PLD5: variants seen among roughly 807,000 people sequenced by gnomAD.
The protein encoded by PLD5 is inactive phospholipase D5.
A neutral mutation model predicts 61.1 loss-of-function variants in PLD5; 36 were observed. That is an observed-to-expected ratio of 0.59 (90% CI 0.45 to 0.78). The LOEUF (loss-of-function observed/expected upper bound fraction) is 0.78. PLD5 is among the 30% of genes least tolerant of loss of function. The pLI, the probability that PLD5 is intolerant of heterozygous loss-of-function variation, is 0.00. For synonymous variants in PLD5, 243 were observed against 242.8 expected, an observed-to-expected ratio of 1.00 and a Z score of -0.01; for missense variants, 515 against 644.4, an observed-to-expected ratio of 0.80 and a Z score of 2.17.
chr1:242,264,071 A>G (rs1346519755), intron 4 of PLD5, among the ~76,000 whole-genome samples: 1 of 152,162 alleles, frequency 6.6e-6, no homozygotes, highest in Non-Finnish European at 1.5e-5. Flanking sequence ...AATCATCTGC[A>G]AATACAGGAC....
chr1:242,194,815 G>A (rs1011449258), intron 5 of PLD5, among the ~76,000 whole-genome samples: 1 of 152,094 alleles, frequency 6.6e-6, no homozygotes, highest in East Asian at 1.9e-4. Flanking sequence ...CTCATAAGTG[G>A]GAGCCAAACT....
chr1:242,089,808 G>A lies in PLD5; in HGVS notation c.*46C>T, dbSNP rs1476264287. On this transcript the variant is annotated 3_prime_UTR_variant, in exon 10 of 10. Transcript: ENST00000536534. ...TTTTTTCTCTCCTCAAGTCCTTTAT[G>A]TATAAATATGAAATACAGAGCTGTC... is the stretch of plus-strand genomic sequence containing the variant. 1 of 1,606,952 alleles carries A rather than the reference G, an allele frequency of 6.2e-7. No individual in the cohort carries two copies. Among genetic ancestry groups the A allele is most frequent in the Non-Finnish European group, 8.5e-7 (1 of 1,174,382 alleles).
At chr1:242,241,910 T>TACAC (rs1553334448) in intron 4 of PLD5, among the ~76,000 whole-genome samples, 23 of 50,394 alleles carry the variant, frequency 4.6e-4, no homozygotes, top group South Asian at 7.5e-4. Flanking sequence ...TATATATATA[T>TACAC]ACTTACTGTA....
At chr1:242,176,358 G>A (rs919014193) in intron 5 of PLD5, among the ~76,000 whole-genome samples, 10 of 152,260 alleles carry the variant, frequency 6.6e-5, no homozygotes, top group Non-Finnish European at 1.3e-4. Flanking sequence ...TTTAATAAAT[G>A]GTGTTGGGGA....
At chr1:242,514,054 C>T (rs747769052) in intron 1 of PLD5, among the ~76,000 whole-genome samples, 40 of 152,186 alleles carry the variant, frequency 2.6e-4, no homozygotes, top group Non-Finnish European at 5.3e-4. Context: ...TCTCATTCCT[C>T]AACACTGCAT....
intron 6 of PLD5, among the ~76,000 whole-genome samples, chr1:242,117,105 C>T (rs1184421775): frequency 6.6e-6 from 1 of 152,142 alleles, no homozygotes; most frequent in Non-Finnish European, 1.5e-5. Context: ...ACATCACTCC[C>T]AGGATGAACT....
intron 1 of PLD5, among the ~76,000 whole-genome samples, chr1:242,462,014 A>G (rs1047097831): frequency 6.6e-6 from 1 of 152,228 alleles, no homozygotes; most frequent in Non-Finnish European, 1.5e-5. Context: ...CTCCTATCAT[A>G]CAGAGCTGTA....
chr1:242,456,125 C>T lies in PLD5; in HGVS notation c.189+67963G>A, dbSNP rs566313425. On this transcript the variant is annotated intron_variant, in intron 1 of 9. Coordinates refer to ENST00000536534, the MANE Select transcript of PLD5 (RefSeq NM_001372062.1). Reference sequence around the variant, plus strand: ...TTAGGTACATGGAATTTTCTCCTGACCCCAACCAAGGTTGGAGTGGATCTG... The same window carrying T: ...TTAGGTACATGGAATTTTCTCCTGATCCCAACCAAGGTTGGAGTGGATCTG... Among the ~76,000 whole-genome samples, 4 of 152,312 alleles carry T rather than the reference C, an allele frequency of 2.6e-5. No homozygotes were observed. The South Asian group carries it at 8.3e-4, about 32-fold the overall frequency.
chr1:242,425,407 A>G (rs1490401199), intron 1 of PLD5, among the ~76,000 whole-genome samples: 4 of 152,192 alleles, frequency 2.6e-5, no homozygotes, highest in African/African-American at 9.7e-5. Context: ...TTAAAAATAC[A>G]GCATAAACAA....
At chr1:242,328,674 TG>T (rs1490966334) in intron 2 of PLD5, among the ~76,000 whole-genome samples, 1 of 152,226 alleles carries the variant, frequency 6.6e-6, no homozygotes, top group East Asian at 1.9e-4. Context: ...AAGAGATGCT[TG>T]GAAGTATTCT....
rs192227225 is a variant in PLD5, at chr1:242,137,506, G to A, written c.736-12841C>T. Among the ~76,000 whole-genome samples the A allele has an allele frequency of 3.2e-4, 48 of 152,238 alleles. No homozygotes were observed. The East Asian group carries it at 8.3e-3, about 26-fold the overall frequency. On this transcript the variant is annotated intron_variant, in intron 5 of 9. Transcript: ENST00000536534. ...TAAAAAACAGCCACAATAATAACACGTTTTAGGGATATCCTATTTGGAACC... is the reference window on the plus strand; with the variant it reads ...TAAAAAACAGCCACAATAATAACACATTTTAGGGATATCCTATTTGGAACC...
intron 3 of PLD5, among the ~76,000 whole-genome samples, chr1:242,272,119 G>C (rs1201103654): frequency 1.3e-5 from 2 of 152,290 alleles, no homozygotes; most frequent in African/African-American, 4.8e-5. Flanking sequence ...AACAATCTCA[G>C]TAAAAGTTAT....
Position 242,419,664 on chromosome 1 carries a change from C to T in PLD5, c.190-71422G>A, listed in dbSNP as rs150976252. Among the ~76,000 whole-genome samples the T allele has an allele frequency of 2.2e-4, 33 of 149,232 alleles. No homozygotes were observed. The East Asian group carries it at 5.9e-3, about 27-fold the overall frequency. On this transcript the variant is annotated intron_variant, in intron 1 of 9. Coordinates refer to ENST00000536534, the MANE Select transcript of PLD5 (RefSeq NM_001372062.1). ...TCCTGATCTCATGATCTGCCCGCCT[C>T]GGCCTCCCGAAGTGCTGGGATTACA...
chr1:242,464,031 G>A (rs1667201753), intron 1 of PLD5, among the ~76,000 whole-genome samples: 1 of 152,076 alleles, frequency 6.6e-6, no homozygotes, highest in South Asian at 2.1e-4. Flanking sequence ...CCTCCACGCT[G>A]CCAAGTCCAA....
intron 5 of PLD5, among the ~76,000 whole-genome samples, chr1:242,166,767 G>A (rs1666333192): frequency 1.3e-5 from 2 of 152,106 alleles, no homozygotes; most frequent in Non-Finnish European, 2.9e-5. Flanking sequence ...TGAAGTTACT[G>A]ACCAAATAGA....
chr1:242,332,396 C>T (rs1246229075), intron 2 of PLD5, among the ~76,000 whole-genome samples: 1 of 152,108 alleles, frequency 6.6e-6, no homozygotes, highest in South Asian at 2.1e-4. Context: ...TGGGTATATA[C>T]CCAGTAATGG....
At chr1:242,524,938 A>G (rs1669404570), upstream of PLD5, among the ~76,000 whole-genome samples, 1 of 151,806 alleles carries the variant, frequency 6.6e-6, no homozygotes, top group Admixed American at 6.6e-5. Context: ...GGGAGAAGTG[A>G]GCGCCGTCTC....
intron 3 of PLD5, among the ~76,000 whole-genome samples, chr1:242,284,527 G>T (rs1484377764): frequency 6.6e-6 from 1 of 152,174 alleles, no homozygotes; most frequent in Non-Finnish European, 1.5e-5. Context: ...CGCTCTAGGG[G>T]TTGAGAGAGG....
chr1:242,195,329 G>A lies in PLD5; in HGVS notation c.735+24659C>T, dbSNP rs559730434. Among the ~76,000 whole-genome samples, 265 of 152,266 alleles carry A rather than the reference G, an allele frequency of 1.7e-3. 2 individuals are homozygous for A. The highest frequency in any genetic ancestry group is 6.0e-3 in the African/African-American group (250 of 41,558). On this transcript the variant is annotated intron_variant, in intron 5 of 9. Coordinates refer to ENST00000536534, the MANE Select transcript of PLD5 (RefSeq NM_001372062.1). ...TATGTGGGGTTTCTTGTCTCAGAGG[G>A]TAAAGAGAGCAGAGCTCCCCAAAAT...
Sources: gnomAD v4.1 joint callset for allele counts (sites outside exome capture counted in the v4.1 genomes callset) on GRCh38, gnomAD v4.1.1 for gene constraint, MANE v1.5 for transcripts, NCBI Gene and HGNC (gene_info 2026-07-23, HGNC 2026-07-21) for gene names.